Variants in DAAM2 observed in about 807,000 individuals in gnomAD.
The protein encoded by DAAM2 is disheveled-associated activator of morphogenesis 2.
Under a neutral mutation model 120.7 loss-of-function variants are expected in DAAM2, and 39 were observed. The observed-to-expected ratio is 0.32, with a 90% CI of 0.25 to 0.42. The LOEUF (loss-of-function observed/expected upper bound fraction) is 0.42. Ranked by LOEUF, DAAM2 falls within the 10% of genes least tolerant of loss-of-function variation. The probability of loss-of-function intolerance (pLI) is 1.00; values close to 1 mark genes in which losing one functional copy is unlikely to be tolerated. For synonymous variants in DAAM2, 488 were observed against 524.9 expected (o/e 0.93, Z 0.96); for missense variants, 1,283 against 1,401.7 (o/e 0.92, Z 1.35).
chr6:39,793,023 AG>A (rs1304847889), intron 1 of DAAM2: 1 of 152,360 alleles, frequency 6.6e-6, no homozygotes. Flanking sequence ...ATCTCAGGAA[AG>A]GGGTCCCCGG....
intron 18 of DAAM2, 61 bp downstream of exon 18, chr6:39,891,508 G>C (rs1562059540): frequency 1.3e-6 from 2 of 1,523,966 alleles, no homozygotes; most frequent in Non-Finnish European, 1.8e-6. Flanking sequence ...GGGGCAGGTG[G>C]GGCTCTGCCA....
chr6:39,886,145 T>C (rs889017454), intron 15 of DAAM2: 3 of 354,924 alleles, frequency 8.5e-6, no homozygotes, highest in African/African-American at 2.1e-5. Flanking sequence ...GGGTTTGGTC[T>C]GCCCTAACTG....
chr6:39,899,216 G>A (rs1293910284), intron 22 of DAAM2, among the ~76,000 whole-genome samples: 1 of 152,218 alleles, frequency 6.6e-6, no homozygotes, highest in Non-Finnish European at 1.5e-5. Flanking sequence ...TTGGATTCAA[G>A]TGCATGGGAA....
At chr6:39,886,479 A>G in intron 15 of DAAM2, 1 of 399,292 alleles carries the variant, frequency 2.5e-6, no homozygotes, top group East Asian at 3.6e-5. Context: ...GACCACTCCA[A>G]CTTTTAACTG....
intron 1 of DAAM2, among the ~76,000 whole-genome samples, chr6:39,803,949 G>A (rs1372659972): frequency 1.3e-5 from 2 of 152,202 alleles, no homozygotes; most frequent in African/African-American, 2.4e-5. Context: ...GCATTAACTG[G>A]ATGGGACACT....
At chr6:39,861,804 A>G (rs1764222411) in intron 3 of DAAM2, 1 of 153,512 alleles carries the variant, frequency 6.5e-6, no homozygotes, top group African/African-American at 2.4e-5. Flanking sequence ...CTGCCCTCCT[A>G]CATTGCTTTG....
chr6:39,843,697 G>A (rs188091021), intron 1 of DAAM2, among the ~76,000 whole-genome samples: 10 of 152,354 alleles, frequency 6.6e-5, no homozygotes, highest in East Asian at 5.8e-4. Context: ...CCAAGAGGCC[G>A]ATCCTGAAGG....
intron 1 of DAAM2, among the ~76,000 whole-genome samples, chr6:39,806,510 A>G (rs1762013205): frequency 6.6e-6 from 1 of 152,128 alleles, no homozygotes; most frequent in Non-Finnish European, 1.5e-5. Context: ...CATTCCCCAC[A>G]TTGCCCAGGA....
intron 1 of DAAM2, among the ~76,000 whole-genome samples, chr6:39,796,436 CA>C (rs1348754937): frequency 6.6e-5 from 10 of 152,012 alleles, no homozygotes; most frequent in Non-Finnish European, 1.5e-4. Flanking sequence ...CAACTCTCTC[CA>C]CATTTTTTGG....
intron 1 of DAAM2, among the ~76,000 whole-genome samples, chr6:39,795,019 G>C (rs1761659299): frequency 6.6e-6 from 1 of 152,166 alleles, no homozygotes; most frequent in African/African-American, 2.4e-5. Context: ...TGGGAGTGCT[G>C]CATGTGGGAT....
intron 1 of DAAM2, among the ~76,000 whole-genome samples, chr6:39,809,864 AACCAGTTCAGCAGACAC>A (rs1376543025): frequency 6.6e-6 from 1 of 152,110 alleles, no homozygotes; most frequent in Non-Finnish European, 1.5e-5. Context: ...TTTCTTACAC[AACCAGTTCAGCAGACAC>A]ACTCCAGAGT....
intron 1 of DAAM2, among the ~76,000 whole-genome samples, chr6:39,806,312 G>T (rs1272664129): frequency 6.6e-6 from 1 of 152,190 alleles, no homozygotes; most frequent in Non-Finnish European, 1.5e-5. Flanking sequence ...TATGTTATTA[G>T]AGGAGCCATT....
chr6:39,867,518 C>A lies in DAAM2; in HGVS notation c.437C>A (p.Thr146Asn), dbSNP rs757954699. Residue 146 changes from threonine (T) to asparagine (N), a missense_variant, in exon 6 of 25, where the codon ACC becomes AAC. By Grantham distance (65) the Thr-to-Asn change is moderately conservative (BLOSUM62 0). This residue lies in a region of DAAM2 where 338 missense variants were observed against 443.9 expected (regional missense o/e 0.76). Coordinates refer to ENST00000274867, the MANE Select transcript of DAAM2 (RefSeq NM_001201427.2). The stretch of plus-strand genomic sequence containing the variant: ...ATGGCTCTGATTTGTAGGTTTGTGA[C>A]CCGCTTCATTGAGCTGGAGGGCTTG... Reference protein sequence around the residue: ...ALRTQPMRFVTRFIELEGLTC... With the variant: ...ALRTQPMRFVNRFIELEGLTC... The A allele has an allele frequency of 1.5e-5, 24 of 1,613,544 alleles. No individual in the cohort carries two copies. Among genetic ancestry groups the A allele is most frequent in the Non-Finnish European group, 1.9e-5 (23 of 1,179,602 alleles).
intron 14 of DAAM2, among the ~76,000 whole-genome samples, chr6:39,880,281 C>T (rs1436749847): frequency 6.6e-6 from 1 of 152,148 alleles, no homozygotes; most frequent in Non-Finnish European, 1.5e-5. Flanking sequence ...ATCCCATGGG[C>T]CTGTTGGACT....
At chr6:39,813,705 C>T (rs1582608135) in intron 1 of DAAM2, among the ~76,000 whole-genome samples, 1 of 152,182 alleles carries the variant, frequency 6.6e-6, no homozygotes, top group Admixed American at 6.5e-5. Context: ...TGTTCCTCTG[C>T]CCCCTTTCCC....
chr6:39,861,251 C>T (rs1764200428), intron 3 of DAAM2: 1 of 579,424 alleles, frequency 1.7e-6, no homozygotes, highest in African/African-American at 1.9e-5. Flanking sequence ...CCTGCTGCAT[C>T]CCAGGACTGG....
intron 1 of DAAM2, among the ~76,000 whole-genome samples, chr6:39,833,089 A>G (rs560691647): frequency 5.9e-5 from 9 of 152,092 alleles, no homozygotes; most frequent in Admixed American, 5.9e-4. Context: ...CCTTTCCCCA[A>G]CCCTGCACCC....
At chr6:39,881,291 G>A (rs1765104586) in intron 14 of DAAM2, among the ~76,000 whole-genome samples, 2 of 152,300 alleles carry the variant, frequency 1.3e-5, no homozygotes, top group Non-Finnish European at 1.5e-5. Context: ...AGTAGAGCAA[G>A]GTGAACGGTC....
chr6:39,872,769 G>T (rs146268535), intron 9 of DAAM2, among the ~76,000 whole-genome samples: 65 of 152,228 alleles, frequency 4.3e-4, no homozygotes, highest in African/African-American at 1.5e-3. Context: ...TTTGAACCCA[G>T]GTGGTGGACC....
Sources: gnomAD v4.1 joint callset for allele counts (sites outside exome capture counted in the v4.1 genomes callset) on GRCh38, gnomAD v4.1.1 for gene constraint, gnomAD v4.1.1 regional missense constraint, MANE v1.5 for transcripts, NCBI Gene and HGNC (gene_info 2026-07-23, HGNC 2026-07-21) for gene names.